The following CLYBL variants were observed in gnomAD, a reference collection of about 807,000 sequenced individuals.
CLYBL encodes the protein citramalyl-CoA lyase.
In CLYBL, 31 loss-of-function variants were observed where a neutral mutation model predicts 38.9. The ratio of observed to expected loss-of-function variants is 0.80; its 90% CI spans 0.60 to 1.08. CLYBL has a LOEUF of 1.08. CLYBL is among the 50% of genes least tolerant of loss of function. CLYBL has a pLI of 0.00. For missense variants in CLYBL, 434 were observed against 411.6 expected (o/e 1.05, Z -0.47); for synonymous variants, 171 against 158.6 (o/e 1.08, Z -0.59).
At chr13:99,803,145 C>T (rs2050168451) in intron 2 of CLYBL, among the ~76,000 whole-genome samples, 1 of 152,190 alleles carries the variant, frequency 6.6e-6, no homozygotes, top group African/African-American at 2.4e-5. Context: ...TCCTTGCCAG[C>T]CCTGACTTTT....
At chr13:99,855,094 C>T (rs1416706560) in intron 2 of CLYBL, among the ~76,000 whole-genome samples, 2 of 152,122 alleles carry the variant, frequency 1.3e-5, no homozygotes, top group East Asian at 1.9e-4. Flanking sequence ...TTAGTCTCTT[C>T]GAAGTTCTAA....
At chr13:99,663,686 A>T (rs1262498584) in intron 1 of CLYBL, among the ~76,000 whole-genome samples, 1 of 152,162 alleles carries the variant, frequency 6.6e-6, no homozygotes, top group Admixed American at 6.5e-5. Context: ...AACCAAAGGG[A>T]TTAGCAACAA....
chr13:99,675,627 C>T (rs1011199266), intron 1 of CLYBL, among the ~76,000 whole-genome samples: 4 of 152,158 alleles, frequency 2.6e-5, no homozygotes, highest in Non-Finnish European at 4.4e-5. Flanking sequence ...TCATACGATA[C>T]GTGGTCTTTT....
intron 1 of CLYBL, among the ~76,000 whole-genome samples, chr13:99,758,375 A>G (rs955654791): frequency 6.6e-6 from 1 of 152,200 alleles, no homozygotes; most frequent in African/African-American, 2.4e-5. Context: ...CCATAAGGCT[A>G]CCAGATTTTT....
chr13:99,857,556 T>C (rs2139192615), intron 2 of CLYBL, among the ~76,000 whole-genome samples: 1 of 152,318 alleles, frequency 6.6e-6, no homozygotes, highest in African/African-American at 2.4e-5. Flanking sequence ...TAAACTGTCT[T>C]AGGTACTCTT....
intron 1 of CLYBL, among the ~76,000 whole-genome samples, chr13:99,618,110 C>A (rs1166188981): frequency 6.6e-6 from 1 of 152,118 alleles, no homozygotes; most frequent in Non-Finnish European, 1.5e-5. Context: ...TATTCCATTG[C>A]TACTATATAT....
intron 2 of CLYBL, among the ~76,000 whole-genome samples, chr13:99,826,828 A>C (rs1280898579): frequency 6.6e-6 from 1 of 152,226 alleles, no homozygotes; most frequent in East Asian, 1.9e-4. Context: ...CTGTTGGAAC[A>C]CATGCCCCTT....
At position 99,724,991 on chromosome 13, in the gene CLYBL, A is replaced by G. The variant is rs567233096; in HGVS notation, c.63-47833A>G. Among the ~76,000 whole-genome samples the G allele has an allele frequency of 5.9e-5, 9 of 152,334 alleles. 1 individual carries two copies. The South Asian group carries it at 1.7e-3, about 28-fold the overall frequency. The stretch of plus-strand genomic sequence containing the variant: ...AATTCCTTCTCTTTTCTTTTGTGCT[A>G]TAGATAATTTCAGTCAATTTGTGAT... On this transcript the variant is annotated intron_variant, in intron 1 of 8. Coordinates refer to ENST00000339105, the MANE Select transcript of CLYBL (RefSeq NM_206808.5).
At chr13:99,636,535 G>C (rs4564437) in intron 1 of CLYBL, among the ~76,000 whole-genome samples, 104,141 of 151,870 alleles carry the variant, frequency 0.69, 37,095 homozygotes, top group East Asian at 0.89. Flanking sequence ...CTCCCTGGCA[G>C]CTGGGACACC....
At chr13:99,771,174 C>T (rs2049386995) in intron 1 of CLYBL, among the ~76,000 whole-genome samples, 1 of 152,036 alleles carries the variant, frequency 6.6e-6, no homozygotes, top group African/African-American at 2.4e-5. Flanking sequence ...GTAGCTGTGA[C>T]TACAGGCATA....
At position 99,664,202 on chromosome 13, in the gene CLYBL, G is replaced by A. The variant is rs61974384; in HGVS notation, c.62+57445G>A. On this transcript the variant is annotated intron_variant, in intron 1 of 8. Coordinates refer to ENST00000339105, the MANE Select transcript of CLYBL (RefSeq NM_206808.5). ...CTGGGACCAATCCCCTTGGACAAAA[G>A]TTTTCCTGTGTTCTTAGTATTCTGA... Among the ~76,000 whole-genome samples, 739 of 152,272 alleles carry A rather than the reference G, an allele frequency of 4.9e-3. 5 individuals are homozygous for A. The highest frequency in any genetic ancestry group is 0.01 in the Middle Eastern group (3 of 294).
chr13:99,756,420 A>T (rs2049063932), intron 1 of CLYBL, among the ~76,000 whole-genome samples: 2 of 152,166 alleles, frequency 1.3e-5, no homozygotes, highest in Non-Finnish European at 2.9e-5. Context: ...AGCTTTGAAG[A>T]AGTGCTGAGG....
intron 2 of CLYBL, among the ~76,000 whole-genome samples, chr13:99,839,808 C>CT (rs1227146193): frequency 1.3e-5 from 2 of 152,066 alleles, no homozygotes; most frequent in Admixed American, 1.3e-4. Flanking sequence ...TCCTTCAAGC[C>CT]TTTATCCTTT....
downstream of CLYBL, among the ~76,000 whole-genome samples, chr13:99,901,115 G>A (rs539148842): frequency 1.3e-5 from 2 of 152,272 alleles, no homozygotes; most frequent in East Asian, 3.9e-4. Flanking sequence ...GGATGCCAGC[G>A]CCAAGGACAG....
chr13:99,727,596 G>T (rs565751270), intron 1 of CLYBL: 1 of 151,624 alleles, frequency 6.6e-6, no homozygotes, highest in Admixed American at 6.6e-5. Flanking sequence ...AACAAAAATA[G>T]TCCATCTAGC....
intron 1 of CLYBL, among the ~76,000 whole-genome samples, chr13:99,707,417 G>A (rs939495754): frequency 5.9e-5 from 9 of 152,040 alleles, no homozygotes; most frequent in African/African-American, 2.2e-4. Flanking sequence ...TTACAGTCAT[G>A]CGCCACCACG....
At chr13:99,649,674 G>T (rs2047223027) in intron 1 of CLYBL, among the ~76,000 whole-genome samples, 2 of 151,770 alleles carry the variant, frequency 1.3e-5, no homozygotes, top group South Asian at 4.2e-4. Flanking sequence ...AGACCAACCT[G>T]GGCAACAGAG....
intron 1 of CLYBL, among the ~76,000 whole-genome samples, chr13:99,700,970 G>C (rs1469354573): frequency 6.6e-6 from 1 of 152,116 alleles, no homozygotes; most frequent in Non-Finnish European, 1.5e-5. Flanking sequence ...TTTCCAGTGT[G>C]AATTTTTCCT....
intron 2 of CLYBL, among the ~76,000 whole-genome samples, chr13:99,841,759 G>T (rs1029311409): frequency 7.3e-5 from 11 of 151,456 alleles, no homozygotes; most frequent in Non-Finnish European, 2.9e-5. Flanking sequence ...AAGACCCAAA[G>T]AAACAGGAAC....
Sources: gnomAD v4.1 joint callset for allele counts (sites outside exome capture counted in the v4.1 genomes callset) on GRCh38, gnomAD v4.1.1 for gene constraint, MANE v1.5 for transcripts, NCBI Gene and HGNC (gene_info 2026-07-23, HGNC 2026-07-21) for gene names.